Variants in HS3ST5 observed in about 807,000 individuals in gnomAD.
HS3ST5 encodes heparan sulfate-glucosamine 3-sulfotransferase 5, also known as heparan sulfate glucosamine 3-O-sulfotransferase 5.
A neutral mutation model predicts 25.4 loss-of-function variants in HS3ST5; 10 were observed. The observed-to-expected ratio is 0.39, with a 90% CI of 0.24 to 0.67. HS3ST5 has a LOEUF of 0.67. Ranked by LOEUF, HS3ST5 falls within the 30% of genes least tolerant of loss-of-function variation. HS3ST5 has a pLI of 0.44. For missense variants in HS3ST5, 324 were observed against 420.7 expected, an observed-to-expected ratio of 0.77 and a Z score of 2.01; for synonymous variants, 170 against 162.4, an observed-to-expected ratio of 1.05 and a Z score of -0.36.
intron 3 of HS3ST5, among the ~76,000 whole-genome samples, chr6:114,121,408 A>G (rs966148237): frequency 1.3e-5 from 2 of 152,200 alleles, no homozygotes; most frequent in South Asian, 2.1e-4. Flanking sequence ...ATCAAGGACA[A>G]ATTTACTGCC....
At chr6:114,195,875 A>T (rs956729039) in intron 2 of HS3ST5, among the ~76,000 whole-genome samples, 1 of 152,144 alleles carries the variant, frequency 6.6e-6, no homozygotes, top group Non-Finnish European at 1.5e-5. Flanking sequence ...CTTGTCTAAG[A>T]CATGCCCTCA....
At chr6:114,143,476 A>G (rs1778005739) in intron 3 of HS3ST5, 2 of 152,212 alleles carry the variant, frequency 1.3e-5, no homozygotes, top group African/African-American at 4.8e-5. Flanking sequence ...TTAGATATGT[A>G]GTATCATTAC....
At chr6:114,292,102 TAGTA>T (rs3049841) in intron 1 of HS3ST5, among the ~76,000 whole-genome samples, 50,191 of 151,928 alleles carry the variant, frequency 0.33, 9,013 homozygotes, top group Non-Finnish European at 0.41. Context: ...GTTTAATTGT[TAGTA>T]AGTTTCATAA....
chr6:114,144,299 C>T (rs980074388), intron 3 of HS3ST5, among the ~76,000 whole-genome samples: 1 of 152,036 alleles, frequency 6.6e-6, no homozygotes, highest in African/African-American at 2.4e-5. Context: ...CTTTGGATGA[C>T]CTATGACCGA....
chr6:114,095,864 T>G (rs1427751144), intron 3 of HS3ST5, among the ~76,000 whole-genome samples: 1 of 152,138 alleles, frequency 6.6e-6, no homozygotes, highest in Non-Finnish European at 1.5e-5. Context: ...AGTTGGTCCC[T>G]GTTACATCTC....
In HS3ST5 at chr6:114,238,482, AT is replaced by A. The variant is rs891340025; in HGVS notation, c.-338-9705del. Reference sequence around the variant, plus strand: ...ATATTTTTTGTGTGTCTTTAAAAAGATTTTTTTTTGTTATAGTTTCAGGATG... The same window carrying A: ...ATATTTTTTGTGTGTCTTTAAAAAGATTTTTTTTGTTATAGTTTCAGGATG... On this transcript the variant is annotated intron_variant, in intron 1 of 4. Transcript: ENST00000312719. Among the ~76,000 whole-genome samples, 137 of 151,838 alleles carry A rather than the reference AT, an allele frequency of 9.0e-4. 1 individual carries two copies. The East Asian group carries it at 0.021, about 24-fold the overall frequency.
chr6:114,128,315 T>C (rs1404515154), intron 3 of HS3ST5, among the ~76,000 whole-genome samples: 1 of 152,178 alleles, frequency 6.6e-6, no homozygotes. Flanking sequence ...TTTGTGTAAA[T>C]AATAACCTTT....
rs537885566 is a variant in HS3ST5, at chr6:114,121,787, A to G, written c.-33+46564T>C. ...CATCATTCCTTAGCATATCTGCCAT[A>G]AAACAAATTGAATGTTTATTTTTAT... On this transcript the variant is annotated intron_variant, in intron 3 of 4. Transcript: ENST00000312719. Among the ~76,000 whole-genome samples the G allele has an allele frequency of 1.2e-4, 19 of 152,352 alleles. No homozygotes were observed. The East Asian group carries it at 3.5e-3, about 28-fold the overall frequency.
intron 1 of HS3ST5, among the ~76,000 whole-genome samples, chr6:114,280,570 A>G (rs1426755841): frequency 1.3e-5 from 2 of 152,054 alleles, no homozygotes; most frequent in Admixed American, 1.3e-4. Flanking sequence ...ATGTTAAACT[A>G]TTAAGTTACT....
intron 2 of HS3ST5, among the ~76,000 whole-genome samples, chr6:114,171,608 T>A (rs1007891810): frequency 2.6e-5 from 4 of 152,196 alleles, no homozygotes; most frequent in African/African-American, 7.2e-5. Flanking sequence ...TAAAGTTGTA[T>A]TCAGCCCATT....
At chr6:114,242,114 T>G (rs1772156329) in intron 1 of HS3ST5, among the ~76,000 whole-genome samples, 1 of 152,222 alleles carries the variant, frequency 6.6e-6, no homozygotes, top group African/African-American at 2.4e-5. Context: ...TAGCTGTTTT[T>G]GGTTCAGCAC....
At chr6:114,220,272 G>C (rs190590285) in intron 2 of HS3ST5, among the ~76,000 whole-genome samples, 87 of 152,114 alleles carry the variant, frequency 5.7e-4, no homozygotes, top group Admixed American at 2.0e-3. Context: ...ACTCAGAACT[G>C]TCTTTGAAAA....
intron 1 of HS3ST5, among the ~76,000 whole-genome samples, chr6:114,330,505 G>A (rs930028998): frequency 6.6e-6 from 1 of 152,184 alleles, no homozygotes; most frequent in Non-Finnish European, 1.5e-5. Context: ...CACAGCAAAT[G>A]TTTAGGCAGC....
At chr6:114,304,841 T>G (rs1219116565) in intron 1 of HS3ST5, among the ~76,000 whole-genome samples, 1 of 152,110 alleles carries the variant, frequency 6.6e-6, no homozygotes. Context: ...CATAAATGCT[T>G]CAGTAGTCAA....
chr6:114,139,576 C>A (rs763891025), intron 3 of HS3ST5, among the ~76,000 whole-genome samples: 5 of 151,848 alleles, frequency 3.3e-5, no homozygotes, highest in East Asian at 1.9e-4. Flanking sequence ...AAGGAGACAA[C>A]AAGATTCCTG....
intron 3 of HS3ST5, among the ~76,000 whole-genome samples, chr6:114,127,862 A>G (rs1777125604): frequency 6.7e-6 from 1 of 150,150 alleles, no homozygotes; most frequent in Admixed American, 6.6e-5. Flanking sequence ...ATATAGAGAG[A>G]GAGAGAGAGA....
At position 114,310,970 on chromosome 6, in the gene HS3ST5, T is replaced by C. The variant is rs542759425; in HGVS notation, c.-339+31225A>G. Among the ~76,000 whole-genome samples, 94 of 152,274 alleles carry C rather than the reference T, an allele frequency of 6.2e-4. 1 individual carries two copies. Among genetic ancestry groups the C allele is most frequent in the African/African-American group, 2.2e-3 (91 of 41,570 alleles). ...AGGTTGAATATGCTAATATAGCCAATGTCATCAAGATTAAGTTCAGGCTCA... is the reference window on the plus strand; with the variant it reads ...AGGTTGAATATGCTAATATAGCCAACGTCATCAAGATTAAGTTCAGGCTCA... On this transcript the variant is annotated intron_variant, in intron 1 of 4. Transcript: ENST00000312719.
intron 1 of HS3ST5, chr6:114,230,050 A>G (rs1771502563): frequency 6.6e-6 from 1 of 152,110 alleles, no homozygotes; most frequent in Non-Finnish European, 1.5e-5. Context: ...GCTACTGTTT[A>G]ACTCCAATAA....
At chr6:114,078,058 ATCATAT>A (rs1201722470) in intron 3 of HS3ST5, among the ~76,000 whole-genome samples, 1 of 152,214 alleles carries the variant, frequency 6.6e-6, no homozygotes, top group Non-Finnish European at 1.5e-5. Flanking sequence ...ATATGAATGT[ATCATAT>A]TCAAATTACC....
Sources: allele counts gnomAD v4.1 joint callset (sites outside exome capture counted in the v4.1 genomes callset), GRCh38; gene constraint gnomAD v4.1.1; transcripts MANE v1.5; gene names NCBI Gene and HGNC (gene_info 2026-07-23, HGNC 2026-07-21).